PCDHGA8: variants seen among roughly 807,000 people sequenced by gnomAD.
PCDHGA8 encodes the protein protocadherin gamma subfamily A, 8, also known as protocadherin gamma-A8.
Under a neutral mutation model 59.2 loss-of-function variants are expected in PCDHGA8, and 45 were observed. The ratio of observed to expected loss-of-function variants is 0.76; its 90% CI spans 0.60 to 0.98. The LOEUF is 0.98. Ranked by LOEUF, PCDHGA8 falls within the 50% of genes least tolerant of loss-of-function variation. The pLI is 0.00. For missense variants in PCDHGA8, 1,257 were observed against 1,196.2 expected, an observed-to-expected ratio of 1.05 and a Z score of -0.75; for synonymous variants, 531 against 519.0, an observed-to-expected ratio of 1.02 and a Z score of -0.32.
At chr5:141,459,775 T>C (rs377188083) in intron 1 of PCDHGA8, among the ~76,000 whole-genome samples, 8 of 152,362 alleles carry the variant, frequency 5.3e-5, no homozygotes, top group African/African-American at 1.4e-4. Flanking sequence ...TACTATCTCA[T>C]TGAAGTTTCA....
At chr5:141,422,926 GC>G in intron 1 of PCDHGA8, 1 of 1,614,230 alleles carries the variant, frequency 6.2e-7, no homozygotes, top group Non-Finnish European at 8.5e-7. Flanking sequence ...CCTGTACCCT[GC>G]CCTCCCCACA....
intron 1 of PCDHGA8, among the ~76,000 whole-genome samples, chr5:141,450,335 T>A (rs1054670037): frequency 1.3e-5 from 2 of 152,158 alleles, no homozygotes; most frequent in African/African-American, 4.8e-5. Context: ...CTCTTTAATC[T>A]ACTTTAATCT....
Position 141,476,682 on chromosome 5 carries a change from A to G in PCDHGA8, c.2425-18125A>G, listed in dbSNP as rs987205396. The G allele has an allele frequency of 6.2e-7, 1 of 1,614,072 alleles. No individual in the cohort carries two copies. Among genetic ancestry groups the G allele is most frequent in the African/African-American group, 1.3e-5 (1 of 74,934 alleles). ...GCGCTTCGCGTGCAGACGCGGGAGG[A>G]CAGCACCAAGTACGCGGAGCTGGTG... On this transcript the variant is annotated intron_variant, in intron 1 of 3. Coordinates refer to ENST00000398604, the MANE Select transcript of PCDHGA8 (RefSeq NM_032088.2). The surrounding 1 kb of genome is among the most constrained non-coding windows in gnomAD (Gnocchi z 7.6).
rs369748404 is a variant in PCDHGA8 at position 141,476,671 on chromosome 5, G to A, written c.2425-18136G>A. The A allele has an allele frequency of 6.2e-7, 1 of 1,614,128 alleles. No homozygotes were observed. Among genetic ancestry groups the A allele is most frequent in the Non-Finnish European group, 8.5e-7 (1 of 1,180,056 alleles). On this transcript the variant is annotated intron_variant, in intron 1 of 3. Coordinates refer to ENST00000398604, the MANE Select transcript of PCDHGA8 (RefSeq NM_032088.2). This position sits in a 1 kb window ranked among gnomAD's most constrained non-coding sequence, Gnocchi z 7.6. ...ATGAATACTTTGCGCTTCGCGTGCA[G>A]ACGCGGGAGGACAGCACCAAGTACG...
chr5:141,408,561 T>C lies in PCDHGA8; in HGVS notation c.2424+13324T>C. On this transcript the variant is annotated intron_variant, in intron 1 of 3. Coordinates refer to ENST00000398604, the MANE Select transcript of PCDHGA8 (RefSeq NM_032088.2). ...AATCCTTTAAATATTTTTCATGTCA[T>C]TGTGGTGATTGAGGATGTTAATGAC... 6.2e-7 allele frequency: 1 copy of C among 1,613,994 alleles called. No homozygotes were observed.
At chr5:141,397,324 T>C (rs2093508718) in intron 1 of PCDHGA8, among the ~76,000 whole-genome samples, 1 of 152,148 alleles carries the variant, frequency 6.6e-6, no homozygotes, top group African/African-American at 2.4e-5. Flanking sequence ...TAAAGAAAAA[T>C]TATTTTTATA....
chr5:141,403,051 C>G (rs1273209859), intron 1 of PCDHGA8: 1 of 1,614,086 alleles, frequency 6.2e-7, no homozygotes, highest in African/African-American at 1.3e-5. Flanking sequence ...AGATTCGCTA[C>G]TCAGTGCCTG....
At chr5:141,404,635 A>C (rs2094549114) in intron 1 of PCDHGA8, 1 of 1,614,130 alleles carries the variant, frequency 6.2e-7, no homozygotes, top group Non-Finnish European at 8.5e-7. Context: ...ATGCCCCAGA[A>C]ATCCTGTACC....
intron 1 of PCDHGA8, among the ~76,000 whole-genome samples, chr5:141,469,802 CATT>C (rs2099211643): frequency 6.6e-6 from 1 of 152,022 alleles, no homozygotes; most frequent in Admixed American, 6.6e-5. Context: ...ATTGCAAAAA[CATT>C]GTAGATAGAA....
intron 1 of PCDHGA8, chr5:141,423,852 GT>G (rs971165220): frequency 2.5e-5 from 32 of 1,279,282 alleles, no homozygotes; most frequent in Non-Finnish European, 3.0e-5. Context: ...CTTTCAGAAC[GT>G]TTTTGTGAAA....
intron 1 of PCDHGA8, chr5:141,399,174 T>G: frequency 1.2e-6 from 2 of 1,613,818 alleles, no homozygotes; most frequent in Non-Finnish European, 1.7e-6. Context: ...ATTCTCTACT[T>G]GAAATGATTC....
At chr5:141,418,811 A>C in intron 1 of PCDHGA8, 1 of 1,613,916 alleles carries the variant, frequency 6.2e-7, no homozygotes. Context: ...ATATACGATA[A>C]ACATAGAAGC....
rs200519543 is a variant in PCDHGA8, at chr5:141,439,190, C to CAA, written c.2424+43967_2424+43968dup. 3.7e-3 allele frequency among the ~76,000 whole-genome samples: 409 copies of CAA among 111,790 alleles called. 4 individuals are homozygous for CAA. The highest frequency in any genetic ancestry group is 0.029 in the East Asian group (112 of 3,852). The allele number at this position is 111,790 out of a possible 152,430, so 73.3% of individuals were successfully genotyped here. A position where few individuals can be genotyped will look rare whatever the true frequency, so the allele number is the denominator to read the frequency against. On this transcript the variant is annotated intron_variant, in intron 1 of 3. Transcript: ENST00000398604. Reference sequence around the variant, plus strand: ...CCTGGGCGACATAGTGAGACTCTGACAAAAAAAAAAAAAAATCCATATGTG... The same window carrying CAA: ...CCTGGGCGACATAGTGAGACTCTGACAAAAAAAAAAAAAAAAATCCATATGTG...
At position 141,432,640 on chromosome 5, in the gene PCDHGA8, C is replaced by T. The variant is rs2097523683; in HGVS notation, c.2424+37403C>T. On this transcript the variant is annotated intron_variant, in intron 1 of 3. Transcript: ENST00000398604. This position sits in a 1 kb window ranked among gnomAD's most constrained non-coding sequence, Gnocchi z 6.0. ...TGGGTCTGCACACGGGCGAGGTGCG[C>T]ACGGCGCGAGCCCTGCTGGACAGAG... 1.9e-6 allele frequency: 3 copies of T among 1,613,814 alleles called. No individual in the cohort carries two copies. The highest frequency in any genetic ancestry group is 2.5e-6 in the Non-Finnish European group (3 of 1,179,932).
intron 1 of PCDHGA8, chr5:141,420,309 A>G (rs1263620304): frequency 2.7e-6 from 4 of 1,460,536 alleles, no homozygotes; most frequent in Non-Finnish European, 3.7e-6. Context: ...TCCTTTTTAT[A>G]TTACAATATG....
Position 141,414,630 on chromosome 5 carries a change from C to A in PCDHGA8, c.2424+19393C>A. On this transcript the variant is annotated intron_variant, in intron 1 of 3. Coordinates refer to ENST00000398604, the MANE Select transcript of PCDHGA8 (RefSeq NM_032088.2). ...CAGTGACAGCGCTGGACCCGGACAG[C>A]AAAGAGAATGCCCAGATTATTTACT... 2 of 1,613,980 alleles carry A rather than the reference C, an allele frequency of 1.2e-6. No individual in the cohort carries two copies. Among genetic ancestry groups the A allele is most frequent in the Non-Finnish European group, 1.7e-6 (2 of 1,179,892 alleles).
At chr5:141,438,749 C>T (rs1238134451) in intron 1 of PCDHGA8, among the ~76,000 whole-genome samples, 3 of 149,226 alleles carry the variant, frequency 2.0e-5, no homozygotes, top group African/African-American at 4.9e-5. Context: ...GCAACCTCTG[C>T]CTCCTGGGTT....
At chr5:141,433,481 G>C (rs2097613311) in intron 1 of PCDHGA8, among the ~76,000 whole-genome samples, 1 of 152,046 alleles carries the variant, frequency 6.6e-6, no homozygotes, top group African/African-American at 2.4e-5. Flanking sequence ...CTAGCCTCCT[G>C]CTTCTCCCTC....
At position 141,426,439 on chromosome 5, in the gene PCDHGA8, G is replaced by C. The variant is rs149215795; in HGVS notation, c.2424+31202G>C. On this transcript the variant is annotated intron_variant, in intron 1 of 3. Transcript: ENST00000398604. ...GGGCTCCGTGGTGGGGAACCTTGCG[G>C]AGGACATGCGGCTGCATGTTCAGGA... 7.8e-4 allele frequency: 237 copies of C among 302,398 alleles called. 1 individual carries two copies. The highest frequency in any genetic ancestry group is 4.6e-3 in the African/African-American group (214 of 46,260). The allele number at this position is 302,398 out of a possible 1,614,324, so 18.7% of individuals were successfully genotyped here.
Sources: allele counts gnomAD v4.1 joint callset (sites outside exome capture counted in the v4.1 genomes callset), GRCh38; gene constraint gnomAD v4.1.1; non-coding constraint Gnocchi (gnomAD v3.1); transcripts MANE v1.5; gene names NCBI Gene and HGNC (gene_info 2026-07-23, HGNC 2026-07-21).